The following SUN5 variants were observed in gnomAD, a reference collection of about 807,000 sequenced individuals.
SUN5 encodes the protein SUN domain-containing protein 5.
A neutral mutation model predicts 53.7 loss-of-function variants in SUN5; 44 were observed. The observed-to-expected ratio is 0.82, with a 90% CI of 0.64 to 1.05. SUN5 has a LOEUF of 1.05. Among genes scored for constraint, SUN5 ranks in the 50% least tolerant of loss-of-function variants. SUN5 has a pLI of 0.00. For missense variants in SUN5, 433 were observed against 483.8 expected (o/e 0.90, Z 0.98); for synonymous variants, 166 against 179.8 (o/e 0.92, Z 0.62).
chr20:33,002,727 G>C lies in SUN5; in HGVS notation c.137-66C>G, dbSNP rs114456397. The C allele has an allele frequency of 2.6e-3, 4,109 of 1,602,182 alleles. 84 individuals carry two copies. In the African/African-American group the frequency reaches 0.049, roughly 19 times the overall value. On this transcript the variant is annotated intron_variant, in intron 2 of 12. Coordinates refer to ENST00000356173, the MANE Select transcript of SUN5 (RefSeq NM_080675.4). ...TGATTTGGTGCTTGCAGAGACCTAG[G>C]GAGCACCCAGAGCTTGGTGCGAACA...
At chr20:33,004,233 G>A in intron 1 of SUN5, 31 bp downstream of exon 1, 1 of 1,536,026 alleles carries the variant, frequency 6.5e-7, no homozygotes, top group South Asian at 1.2e-5. Flanking sequence ...ACTGTAAAGG[G>A]CTGGGCAAAG....
chr20:32,989,875 C>T (rs935119153), intron 8 of SUN5, among the ~76,000 whole-genome samples, 177 bp from the exon 9 acceptor site: 7 of 152,098 alleles, frequency 4.6e-5, no homozygotes, highest in African/African-American at 1.7e-4. Flanking sequence ...CCATCCTGAC[C>T]CCACCCTGGG....
At chr20:32,995,147 T>A (rs1189263618) in intron 8 of SUN5, among the ~76,000 whole-genome samples, 1 of 151,978 alleles carries the variant, frequency 6.6e-6, no homozygotes, top group Non-Finnish European at 1.5e-5. Flanking sequence ...AAGGTAAAAG[T>A]TTCCCAAAAC....
chr20:32,997,399 G>A (rs774994588), intron 6 of SUN5, among the ~76,000 whole-genome samples: 6 of 152,176 alleles, frequency 3.9e-5, no homozygotes, highest in Non-Finnish European at 7.3e-5. Flanking sequence ...ATCTCTGAGA[G>A]TCAATACAGG....
chr20:33,000,765 A>G (rs1291564142), intron 4 of SUN5, among the ~76,000 whole-genome samples: 1 of 151,920 alleles, frequency 6.6e-6, no homozygotes, highest in Non-Finnish European at 1.5e-5. Flanking sequence ...CGATTGCTTG[A>G]ATTCGAAAAG....
At position 32,997,702 on chromosome 20, in the gene SUN5, G is replaced by T. The variant is rs41301833; in HGVS notation, c.341-15C>A. On this transcript the variant is annotated splice_polypyrimidine_tract_variant and intron_variant, in intron 5 of 12. Transcript: ENST00000356173. The stretch of plus-strand genomic sequence containing the variant: ...CATCCAGAATCCTGTGAGGCCATGA[G>T]AATAAGAATGAGCCATTTAACATGC... 55,087 of 1,613,668 alleles carry T rather than the reference G, an allele frequency of 0.034. 1,121 individuals are homozygous for T. The highest frequency in any genetic ancestry group is 0.048 in the Middle Eastern group (290 of 6,062).
intron 10 of SUN5, among the ~76,000 whole-genome samples, 191 bp downstream of exon 10, chr20:32,987,469 C>T (rs1256613510): frequency 6.6e-6 from 1 of 151,514 alleles, no homozygotes; most frequent in East Asian, 1.9e-4. Context: ...CCCCAGCCCC[C>T]GCCTTGTCAG....
At chr20:32,995,851 C>T in intron 7 of SUN5, 124 bp from the exon 8 acceptor site, 1 of 832,526 alleles carries the variant, frequency 1.2e-6, no homozygotes, top group Non-Finnish European at 2.0e-6. Flanking sequence ...TCTCTTGGGC[C>T]CATCCCTGGA....
At chr20:32,985,680 A>G (rs1335557829) in intron 11 of SUN5, 56 bp downstream of exon 11, 3 of 1,583,162 alleles carry the variant, frequency 1.9e-6, no homozygotes, top group East Asian at 2.2e-5. Context: ...CTGGAATATC[A>G]CCATTGGAAG....
At position 32,989,606 on chromosome 20, in the gene SUN5, A is replaced by C. The variant is rs1246583933; in HGVS notation, c.613+14T>G. ...ACTTGAGGCAGTCAGATGGTGGGGA[A>C]GGGGGTCACCTACCTATAGACTTCA... On this transcript the variant is annotated intron_variant, in intron 9 of 12. Transcript: ENST00000356173. 6.2e-7 allele frequency: 1 copy of C among 1,612,704 alleles called. No individual in the cohort carries two copies. Among genetic ancestry groups the C allele is most frequent in the South Asian group, 1.1e-5 (1 of 91,026 alleles).
chr20:32,987,614 C>T (rs759347998), intron 10 of SUN5, 46 bp downstream of exon 10: 92 of 1,515,678 alleles, frequency 6.1e-5, no homozygotes, highest in Non-Finnish European at 7.3e-5. Context: ...AAACCCTGCC[C>T]GGACCACTCC....
chr20:32,996,290 G>A, intron 7 of SUN5, 34 bp downstream of exon 7: 1 of 1,608,818 alleles, frequency 6.2e-7, no homozygotes, highest in Non-Finnish European at 8.5e-7. Flanking sequence ...TGCTTTTTAG[G>A]TAATAATATG....
chr20:32,983,836 G>A lies in SUN5; in HGVS notation c.1098C>T (p.Pro366=), dbSNP rs202242339. ...RVRVHGSVAP[P]REQPHQNPYP... Reference sequence around the variant, plus strand: ...AGGGGTTCTGGTGAGGCTGCTCTCTGGGCGGGGCCACAGAGCCATGCACTC... The same window carrying A: ...AGGGGTTCTGGTGAGGCTGCTCTCTAGGCGGGGCCACAGAGCCATGCACTC... Residue 366 remains proline (P), a synonymous_variant, in exon 13 of 13, where the codon CCC becomes CCT. Transcript: ENST00000356173. 9.7e-5 allele frequency: 154 copies of A among 1,583,692 alleles called. 1 individual carries two copies. Among genetic ancestry groups the A allele is most frequent in the East Asian group, 8.2e-4 (35 of 42,814 alleles).
chr20:32,984,128 T>C (rs1031046331), intron 12 of SUN5, among the ~76,000 whole-genome samples, 179 bp from the exon 13 acceptor site: 1 of 152,208 alleles, frequency 6.6e-6, no homozygotes, highest in Non-Finnish European at 1.5e-5. Context: ...TTACTGAAGA[T>C]GCTGAGGCCA....
intron 12 of SUN5, among the ~76,000 whole-genome samples, chr20:32,984,474 G>A (rs1008710425): frequency 7.9e-5 from 12 of 152,174 alleles, no homozygotes; most frequent in African/African-American, 2.4e-4. Context: ...GTAAAAAGTG[G>A]GGCGGGCTTG....
intron 8 of SUN5, among the ~76,000 whole-genome samples, chr20:32,995,333 A>G (rs939703860): frequency 6.6e-6 from 1 of 152,196 alleles, no homozygotes; most frequent in African/African-American, 2.4e-5. Flanking sequence ...AACAGTATAA[A>G]CTATAATAGA....
At chr20:33,001,638 T>A (rs1199109390) in intron 3 of SUN5, among the ~76,000 whole-genome samples, 1 of 102,752 alleles carries the variant, frequency 9.7e-6, no homozygotes, top group Non-Finnish European at 2.0e-5. Flanking sequence ...TCTTTCTTTC[T>A]TTTCCTCCCT....
intron 6 of SUN5, 144 bp from the exon 7 acceptor site, chr20:32,996,502 T>A (rs956534698): frequency 8.7e-5 from 55 of 631,660 alleles, no homozygotes; most frequent in African/African-American, 6.0e-4. Flanking sequence ...TCTACCCACC[T>A]ATCATTTCTC....
chr20:33,001,185 C>G (rs1364985457), intron 4 of SUN5, 27 bp downstream of exon 4: 1 of 1,560,002 alleles, frequency 6.4e-7, no homozygotes, highest in Non-Finnish European at 8.7e-7. Context: ...ACTCCCCATC[C>G]ACCCTCCCCC....
Sources: allele counts gnomAD v4.1 joint callset (sites outside exome capture counted in the v4.1 genomes callset), GRCh38; gene constraint gnomAD v4.1.1; transcripts MANE v1.5; gene names NCBI Gene and HGNC (gene_info 2026-07-23, HGNC 2026-07-21).